The following ADAMTS16 variants were observed in gnomAD, a reference collection of about 807,000 sequenced individuals.
The protein encoded by ADAMTS16 is ADAM metallopeptidase with thrombospondin type 1 motif 16.
A neutral mutation model predicts 145.8 loss-of-function variants in ADAMTS16; 94 were observed. The ratio of observed to expected loss-of-function variants is 0.64; its 90% confidence interval spans 0.55 to 0.77. ADAMTS16 has a LOEUF of 0.77. ADAMTS16 is among the 30% of genes least tolerant of loss of function. The pLI is 0.00. For missense variants in ADAMTS16, 1,585 were observed against 1,591.5 expected, an observed-to-expected ratio of 1.00 and a Z score of 0.07; for synonymous variants, 659 against 604.3, an observed-to-expected ratio of 1.09 and a Z score of -1.33.
chr5:5,184,421 C>T (rs1039674822), intron 4 of ADAMTS16, among the ~76,000 whole-genome samples: 7 of 152,094 alleles, frequency 4.6e-5, no homozygotes, highest in East Asian at 3.9e-4. Context: ...ATCTGTGCAT[C>T]GATATTTCCA....
At chr5:5,193,439 A>G (rs1399096388) in intron 8 of ADAMTS16, among the ~76,000 whole-genome samples, 2 of 152,330 alleles carry the variant, frequency 1.3e-5, no homozygotes, top group Non-Finnish European at 2.9e-5. Context: ...AAAAACTCTC[A>G]TTATTGTAAC....
chr5:5,191,652 G>A (rs746738235), intron 7 of ADAMTS16, 33 bp from the exon 8 acceptor site: 28 of 1,518,340 alleles, frequency 1.8e-5, no homozygotes, highest in South Asian at 5.7e-5. Context: ...TTACAACACC[G>A]CTATGTGTTC....
chr5:5,265,486 C>A (rs541467310), intron 18 of ADAMTS16, among the ~76,000 whole-genome samples: 1 of 152,288 alleles, frequency 6.6e-6, no homozygotes, highest in East Asian at 1.9e-4. Flanking sequence ...GCCTGGGAGA[C>A]AGGGGTCCTA....
intron 10 of ADAMTS16, among the ~76,000 whole-genome samples, chr5:5,217,988 C>G (rs559559383): frequency 1.3e-5 from 2 of 152,248 alleles, no homozygotes; most frequent in South Asian, 2.1e-4. Context: ...TTGGGAGTAA[C>G]CCCAAAACCC....
At chr5:5,262,603 T>C in intron 17 of ADAMTS16, 54 bp from the exon 18 acceptor site, 1 of 1,575,378 alleles carries the variant, frequency 6.3e-7, no homozygotes, top group South Asian at 1.2e-5. Context: ...CATCTGCCTT[T>C]TACTGTGGGG....
At chr5:5,219,052 G>C (rs887693333) in intron 10 of ADAMTS16, among the ~76,000 whole-genome samples, 23 of 152,100 alleles carry the variant, frequency 1.5e-4, no homozygotes, top group African/African-American at 4.6e-4. Context: ...ATGAAAACAG[G>C]AGTGTCTGTT....
intron 20 of ADAMTS16, among the ~76,000 whole-genome samples, chr5:5,305,122 C>CACACAT (rs200493138): frequency 2.9e-5 from 1 of 34,550 alleles, no homozygotes; most frequent in Non-Finnish European, 6.8e-5. Context: ...CACACACACA[C>CACACAT]CCCACACCAC....
chr5:5,300,161 G>A (rs4478286), intron 18 of ADAMTS16, among the ~76,000 whole-genome samples: 73,681 of 151,948 alleles, frequency 0.48, 18,429 homozygotes, highest in Non-Finnish European at 0.55. Context: ...AGCAGCCAAC[G>A]TGTCTTTTGC....
chr5:5,231,894 G>A (rs1233492594), intron 11 of ADAMTS16, among the ~76,000 whole-genome samples: 1 of 152,100 alleles, frequency 6.6e-6, no homozygotes, highest in Non-Finnish European at 1.5e-5. Context: ...AGGTGCTTTG[G>A]GGGGAAAGCA....
chr5:5,182,944 C>G (rs1735382036), intron 4 of ADAMTS16, among the ~76,000 whole-genome samples: 1 of 152,182 alleles, frequency 6.6e-6, no homozygotes, highest in Non-Finnish European at 1.5e-5. Context: ...TCAGGAGTCT[C>G]TGGACTGCCC....
intron 12 of ADAMTS16, among the ~76,000 whole-genome samples, chr5:5,233,466 T>C (rs1265734918): frequency 6.6e-6 from 1 of 152,216 alleles, no homozygotes; most frequent in Non-Finnish European, 1.5e-5. Context: ...TCATTAGTTA[T>C]TTTTTGCAGT....
chr5:5,319,671 C>CT lies in ADAMTS16; in HGVS notation c.*534dup. Reference sequence around the variant, plus strand: ...GAGGCTGCCCAGGCTCCTCCTCCTCCTCCCCAGCGGCCGAGCATCTCTTAC... The same window carrying CT: ...GAGGCTGCCCAGGCTCCTCCTCCTCCTTCCCCAGCGGCCGAGCATCTCTTAC... On this transcript the variant is annotated 3_prime_UTR_variant, in exon 23 of 23. Coordinates refer to ENST00000274181, the MANE Select transcript of ADAMTS16 (RefSeq NM_139056.4). The CT allele has an allele frequency of 5.7e-6, 2 of 353,282 alleles. No homozygotes were observed. Among genetic ancestry groups the CT allele is most frequent in the South Asian group, 4.4e-5 (2 of 44,998 alleles). 21.9% of individuals were successfully genotyped at this position (353,282 alleles called of 1,614,324 possible). A position where few individuals can be genotyped will look rare whatever the true frequency, so the allele number is the denominator to read the frequency against.
Position 5,320,123 on chromosome 5 carries a change from C to T in ADAMTS16, c.*985C>T. On this transcript the variant is annotated 3_prime_UTR_variant, in exon 23 of 23. Transcript: ENST00000274181. This position sits in a 1 kb window ranked among gnomAD's most constrained non-coding sequence, Gnocchi z 5.1. ...GGTGAGTCTGGCCATTTCTATAATG[C>T]CAGGTGGGAAGCCAGGCTGCGGGTG... 3.1e-6 allele frequency: 1 copy of T among 319,164 alleles called. No homozygotes were observed. The highest frequency in any genetic ancestry group is 5.9e-6 in the Non-Finnish European group (1 of 170,232). 19.8% of individuals were successfully genotyped at this position (319,164 alleles called of 1,614,324 possible).
intron 18 of ADAMTS16, among the ~76,000 whole-genome samples, chr5:5,277,992 A>C (rs568120427): frequency 6.6e-6 from 1 of 152,312 alleles, no homozygotes; most frequent in Admixed American, 6.5e-5. Context: ...AAAAAAAAGA[A>C]AAAAAAGACT....
chr5:5,240,977 G>C (rs1039085598), intron 16 of ADAMTS16, among the ~76,000 whole-genome samples: 9 of 152,160 alleles, frequency 5.9e-5, no homozygotes, highest in Non-Finnish European at 1.0e-4. Context: ...TTAGGAAACT[G>C]TTCTCCACGG....
At chr5:5,182,940 G>A (rs1247972911) in intron 4 of ADAMTS16, among the ~76,000 whole-genome samples, 1 of 152,190 alleles carries the variant, frequency 6.6e-6, no homozygotes, top group Admixed American at 6.5e-5. Flanking sequence ...TTCCTCAGGA[G>A]TCTCTGGACT....
rs1195026002 is a variant in ADAMTS16 at position 5,305,292 on chromosome 5, CCACA to C, written c.3187-1201_3187-1198del. Among the ~76,000 whole-genome samples the C allele has an allele frequency of 1.3e-3, 72 of 55,186 alleles. 3 individuals are homozygous for C. Among genetic ancestry groups the C allele is most frequent in the African/African-American group, 4.0e-3 (60 of 14,878 alleles). The allele number at this position is 55,186 out of a possible 152,430, so 36.2% of individuals were successfully genotyped here. A position where few individuals can be genotyped will look rare whatever the true frequency, so the allele number is the denominator to read the frequency against. ...CCACACCACACACACACATCCCACACCACACACACACACATCCCACACCACACAC... is the reference window on the plus strand; with the variant it reads ...CCACACCACACACACACATCCCACACCACACACACATCCCACACCACACAC... On this transcript the variant is annotated intron_variant, in intron 20 of 22. Transcript: ENST00000274181.
chr5:5,157,652 A>G (rs752080913), intron 3 of ADAMTS16, among the ~76,000 whole-genome samples: 1 of 152,218 alleles, frequency 6.6e-6, no homozygotes, highest in African/African-American at 2.4e-5. Context: ...TTCTTTTAGT[A>G]TCCAAAATCC....
chr5:5,303,277 G>T lies in ADAMTS16; in HGVS notation c.2799G>T (p.Val933=). The T allele has an allele frequency of 6.4e-7, 1 of 1,572,366 alleles. No homozygotes were observed. Among genetic ancestry groups the T allele is most frequent in the Non-Finnish European group, 8.6e-7 (1 of 1,156,356 alleles). The change falls in exon 19 of 23, where the codon GTG becomes GTT. Residue 933 remains valine (V), a synonymous_variant. Coordinates refer to ENST00000274181, the MANE Select transcript of ADAMTS16 (RefSeq NM_139056.4). ...KVSACPPSWS[V]GNWSACSRTC... ...CTTTGTCCCTGCCCAGCTGGTCCGT[G>T]GGGAACTGGAGTGCCTGCAGTCGGA...
Sources: allele counts gnomAD v4.1 joint callset (sites outside exome capture counted in the v4.1 genomes callset), GRCh38; gene constraint gnomAD v4.1.1; non-coding constraint Gnocchi (gnomAD v3.1); transcripts MANE v1.5; gene names NCBI Gene and HGNC (gene_info 2026-07-23, HGNC 2026-07-21).